Variants in TASP1 observed in about 807,000 individuals in gnomAD.
The protein encoded by TASP1 is taspase 1, also known as threonine aspartase 1.
TASP1 carries 16 observed loss-of-function variants against 56.6 expected under a neutral mutation model. The ratio of observed to expected loss-of-function variants is 0.28; its 90% CI spans 0.19 to 0.43. The LOEUF (loss-of-function observed/expected upper bound fraction) is 0.43, where lower values mean the gene tolerates loss of function less well. Among genes scored for constraint, TASP1 ranks in the 20% least tolerant of loss-of-function variants. The probability of loss-of-function intolerance (pLI) is 1.00; values close to 1 mark genes in which losing one functional copy is unlikely to be tolerated. For synonymous variants in TASP1, 179 were observed against 184.2 expected (o/e 0.97, Z 0.23); for missense variants, 393 against 511.6 (o/e 0.77, Z 2.24).
At chr20:13,106,563 A>G in the TASP1 span, among the ~76,000 whole-genome samples, 1 of 152,190 alleles carries the variant, frequency 6.6e-6, no homozygotes, top group South Asian at 2.1e-4. Flanking sequence ...GGGGATGTTG[A>G]CAAACTATGT....
chr20:13,533,900 T>C (rs2045318649), intron 9 of TASP1, 122 bp downstream of exon 9: 1 of 1,193,294 alleles, frequency 8.4e-7, no homozygotes, highest in Non-Finnish European at 1.2e-6. Flanking sequence ...ATACTACATG[T>C]TAAAAAACAA....
At chr20:13,488,450 C>A (rs1447072966) in intron 10 of TASP1, among the ~76,000 whole-genome samples, 1 of 152,114 alleles carries the variant, frequency 6.6e-6, no homozygotes, top group Non-Finnish European at 1.5e-5. Flanking sequence ...GAAAAAAACA[C>A]TGCCAACCTG....
At chr20:13,524,215 G>A (rs1048764594) in intron 10 of TASP1, among the ~76,000 whole-genome samples, 3 of 151,904 alleles carry the variant, frequency 2.0e-5, no homozygotes, top group African/African-American at 7.3e-5. Flanking sequence ...CAATGTTAAG[G>A]TAAACCAAAG....
At chr20:13,535,561 C>T (rs1410189195) in intron 8 of TASP1, among the ~76,000 whole-genome samples, 1 of 152,216 alleles carries the variant, frequency 6.6e-6, no homozygotes, top group African/African-American at 2.4e-5. Context: ...AATGGATCCA[C>T]ATGGTCATAT....
At chr20:13,367,327 T>C in the TASP1 span, among the ~76,000 whole-genome samples, 1 of 152,382 alleles carries the variant, frequency 6.6e-6, no homozygotes, top group South Asian at 2.1e-4. Flanking sequence ...TATTAGTCTT[T>C]GTAAGTATAA....
chr20:13,178,178 G>A, the TASP1 span, among the ~76,000 whole-genome samples: 2 of 151,984 alleles, frequency 1.3e-5, no homozygotes, highest in Non-Finnish European at 2.9e-5. Flanking sequence ...TATCATCAGG[G>A]AAACGCAAAT....
the TASP1 span, among the ~76,000 whole-genome samples, chr20:13,226,345 A>G: frequency 1.3e-5 from 2 of 152,194 alleles, no homozygotes; most frequent in Non-Finnish European, 2.9e-5. Context: ...GAAAGTCAAT[A>G]GCCATTTGTG....
chr20:13,357,991 C>T, the TASP1 span, among the ~76,000 whole-genome samples: 15 of 152,158 alleles, frequency 9.9e-5, no homozygotes, highest in East Asian at 7.7e-4. Context: ...TAGGCCCTGC[C>T]GCACCTTAAC....
Position 13,497,351 on chromosome 20 carries a change from C to T in TASP1, c.875-14014G>A, listed in dbSNP as rs145574548. ...GAAATCCCTCAGAAGCACACTGGATCTTCCCTAAGTGCACTGCAACTGTCC... is the reference window on the plus strand; with the variant it reads ...GAAATCCCTCAGAAGCACACTGGATTTTCCCTAAGTGCACTGCAACTGTCC... On this transcript the variant is annotated intron_variant, in intron 10 of 13. Coordinates refer to ENST00000337743, the MANE Select transcript of TASP1 (RefSeq NM_017714.3). Among the ~76,000 whole-genome samples the T allele has an allele frequency of 2.7e-3, 418 of 152,332 alleles. 1 individual carries two copies. The highest frequency in any genetic ancestry group is 9.4e-3 in the African/African-American group (390 of 41,576).
At chr20:13,197,058 C>G in the TASP1 span, among the ~76,000 whole-genome samples, 1 of 152,112 alleles carries the variant, frequency 6.6e-6, no homozygotes, top group African/African-American at 2.4e-5. Context: ...CTGAGAGCTC[C>G]CCTGTCTATA....
At chr20:13,309,752 T>C in the TASP1 span, among the ~76,000 whole-genome samples, 1 of 152,018 alleles carries the variant, frequency 6.6e-6, no homozygotes, top group African/African-American at 2.4e-5. Context: ...AGTAAAGTCA[T>C]AGGATACAAA....
At chr20:13,110,665 G>A in the TASP1 span, among the ~76,000 whole-genome samples, 2 of 152,080 alleles carry the variant, frequency 1.3e-5, no homozygotes, top group African/African-American at 4.8e-5. Context: ...GTTAGTGATT[G>A]CCATCAATAC....
At chr20:13,496,398 T>C (rs2043730374) in intron 10 of TASP1, among the ~76,000 whole-genome samples, 1 of 151,794 alleles carries the variant, frequency 6.6e-6, no homozygotes, top group Non-Finnish European at 1.5e-5. Context: ...TGAACTACAG[T>C]GATACTATCA....
chr20:13,269,531 T>G, the TASP1 span, among the ~76,000 whole-genome samples: 1 of 152,228 alleles, frequency 6.6e-6, no homozygotes, highest in East Asian at 1.9e-4. Context: ...ACAGCTTCGC[T>G]GGCCATTCTG....
chr20:13,483,194 TAGA>T, intron 11 of TASP1, 30 bp downstream of exon 11: 1 of 1,408,766 alleles, frequency 7.1e-7, no homozygotes, highest in Non-Finnish European at 9.8e-7. Context: ...AATCCATATT[TAGA>T]AGATGTAATC....
intron 11 of TASP1, among the ~76,000 whole-genome samples, chr20:13,437,085 T>G (rs56679048): frequency 0.034 from 5,151 of 152,120 alleles, 282 homozygotes; most frequent in African/African-American, 0.11. Context: ...ATATCCCTGA[T>G]GAACATCGAT....
chr20:13,286,726 G>A, the TASP1 span, among the ~76,000 whole-genome samples: 15 of 152,158 alleles, frequency 9.9e-5, no homozygotes, highest in Admixed American at 7.2e-4. Context: ...TTTGCCTGAG[G>A]CATGTTCAGA....
intron 10 of TASP1, among the ~76,000 whole-genome samples, chr20:13,503,485 T>G (rs1178173953): frequency 1.3e-5 from 2 of 152,162 alleles, no homozygotes; most frequent in South Asian, 4.1e-4. Context: ...GTTTCTCTCT[T>G]GAAACTAGTT....
chr20:13,583,525 A>C (rs142493703), intron 5 of TASP1, among the ~76,000 whole-genome samples: 64 of 152,344 alleles, frequency 4.2e-4, no homozygotes, highest in African/African-American at 1.5e-3. Context: ...ACTTCTATTT[A>C]AACTATGGTA....
Sources: gnomAD v4.1 joint callset for allele counts (sites outside exome capture counted in the v4.1 genomes callset) on GRCh38, gnomAD v4.1.1 for gene constraint, MANE v1.5 for transcripts, NCBI Gene and HGNC (gene_info 2026-07-23, HGNC 2026-07-21) for gene names.